The following ALK variants were observed in gnomAD, a reference collection of about 807,000 sequenced individuals.
The protein encoded by ALK is ALK receptor tyrosine kinase.
A neutral mutation model predicts 163.1 loss-of-function variants in ALK; 74 were observed. The ratio of observed to expected loss-of-function variants is 0.45; its 90% CI spans 0.38 to 0.55. The LOEUF is 0.55. ALK is among the 20% of genes least tolerant of loss of function. The pLI, the probability that ALK is intolerant of heterozygous loss-of-function variation, is 0.00. For missense variants in ALK, 2,063 were observed against 2,105.3 expected (o/e 0.98, Z 0.39); for synonymous variants, 960 against 843.2 (o/e 1.14, Z -2.40).
intron 4 of ALK, among the ~76,000 whole-genome samples, chr2:29,413,827 C>T (rs1318916635): frequency 6.6e-6 from 1 of 152,202 alleles, no homozygotes; most frequent in African/African-American, 2.4e-5. Flanking sequence ...GGCACCTCAC[C>T]CAGCCTAATT....
intron 1 of ALK, among the ~76,000 whole-genome samples, chr2:29,905,681 T>C (rs1314260844): frequency 1.3e-5 from 2 of 151,960 alleles, no homozygotes; most frequent in Non-Finnish European, 2.9e-5. Flanking sequence ...TCCCTTTTCC[T>C]ACCTAGCCAG....
At chr2:29,550,037 G>A (rs767299639) in intron 3 of ALK, among the ~76,000 whole-genome samples, 2 of 151,988 alleles carry the variant, frequency 1.3e-5, no homozygotes, top group African/African-American at 4.8e-5. Flanking sequence ...GGCTCTTCCC[G>A]CTAAACTAGG....
chr2:29,209,537 C>A (rs570797931), intron 25 of ALK, among the ~76,000 whole-genome samples: 1 of 129,708 alleles, frequency 7.7e-6, no homozygotes, highest in Non-Finnish European at 1.6e-5. Context: ...AGCGAAACTC[C>A]GTCTCAAAAA....
intron 1 of ALK, among the ~76,000 whole-genome samples, chr2:29,905,612 GAGGA>G (rs962404960): frequency 2.7e-4 from 40 of 150,750 alleles, no homozygotes; most frequent in African/African-American, 8.8e-4. Context: ...AGAAGGAAGG[GAGGA>G]AGGAAGGAAG....
chr2:29,633,153 G>A (rs958236546), intron 3 of ALK, among the ~76,000 whole-genome samples: 5 of 120,116 alleles, frequency 4.2e-5, no homozygotes, highest in African/African-American at 1.4e-4. Flanking sequence ...TGGGCTGGTG[G>A]TGGACTAAGT....
intron 5 of ALK, among the ~76,000 whole-genome samples, chr2:29,381,025 G>C (rs901406292): frequency 6.6e-6 from 1 of 152,326 alleles, no homozygotes; most frequent in South Asian, 2.1e-4. Flanking sequence ...TGATGCTAAG[G>C]TTTTCAGGAA....
At chr2:29,840,263 C>T (rs1665664700) in intron 1 of ALK, among the ~76,000 whole-genome samples, 1 of 152,160 alleles carries the variant, frequency 6.6e-6, no homozygotes, top group South Asian at 2.1e-4. Context: ...TTGCCTCCTG[C>T]ATTTAACGTG....
At chr2:29,205,633 C>T (rs565237750) in intron 26 of ALK, among the ~76,000 whole-genome samples, 47 of 152,232 alleles carry the variant, frequency 3.1e-4, no homozygotes, top group African/African-American at 9.6e-4. Flanking sequence ...GACTTGGGGC[C>T]GCATCTCCAG....
chr2:29,418,980 A>G (rs1236784372), intron 4 of ALK, among the ~76,000 whole-genome samples: 1 of 151,480 alleles, frequency 6.6e-6, no homozygotes, highest in Non-Finnish European at 1.5e-5. Context: ...TAGAAATATA[A>G]AAAATACATA....
At chr2:29,618,222 A>G (rs1208972003) in intron 3 of ALK, among the ~76,000 whole-genome samples, 1 of 152,194 alleles carries the variant, frequency 6.6e-6, no homozygotes. Flanking sequence ...TCAACCTCCA[A>G]ATCCAATCCA....
chr2:29,869,747 G>A lies in ALK; in HGVS notation c.667+50246C>T, dbSNP rs557467262. Among the ~76,000 whole-genome samples the A allele has an allele frequency of 5.9e-5, 9 of 152,214 alleles. No individual in the cohort carries two copies. In the South Asian group the frequency reaches 1.7e-3, roughly 28 times the overall value. On this transcript the variant is annotated intron_variant, in intron 1 of 28. Coordinates refer to ENST00000389048, the MANE Select transcript of ALK (RefSeq NM_004304.5). ...AAGGAAAATATTAATGGATTGAATT[G>A]CATGCCAAAAAATTATATGCAATAT...
intron 1 of ALK, among the ~76,000 whole-genome samples, chr2:29,766,238 T>C (rs1222985139): frequency 6.6e-6 from 1 of 152,208 alleles, no homozygotes; most frequent in Non-Finnish European, 1.5e-5. Flanking sequence ...ATCTGGTTCT[T>C]GCCTCCTTCT....
At chr2:29,577,599 G>T (rs1277268573) in intron 3 of ALK, among the ~76,000 whole-genome samples, 1 of 152,052 alleles carries the variant, frequency 6.6e-6, no homozygotes, top group Non-Finnish European at 1.5e-5. Context: ...CCTGCCCCAG[G>T]GGATGCTACA....
chr2:29,315,437 T>C (rs1030870474), intron 8 of ALK, among the ~76,000 whole-genome samples: 3 of 152,166 alleles, frequency 2.0e-5, no homozygotes, highest in Non-Finnish European at 2.9e-5. Flanking sequence ...TTCTGACTCA[T>C]CTTTCTAAAA....
At chr2:29,280,289 GAA>G (rs913240234) in intron 9 of ALK, among the ~76,000 whole-genome samples, 2 of 152,092 alleles carry the variant, frequency 1.3e-5, no homozygotes, top group African/African-American at 2.4e-5. Context: ...GGGATTGAGT[GAA>G]AGTTTTAGTA....
At chr2:29,658,172 C>T (rs1677243793) in intron 3 of ALK, among the ~76,000 whole-genome samples, 2 of 152,138 alleles carry the variant, frequency 1.3e-5, no homozygotes, top group Admixed American at 6.5e-5. Flanking sequence ...AATGAAAATG[C>T]TTAAAATGAG....
intron 2 of ALK, among the ~76,000 whole-genome samples, chr2:29,705,468 C>G (rs990619319): frequency 6.6e-6 from 1 of 151,432 alleles, no homozygotes; most frequent in Non-Finnish European, 1.5e-5. Flanking sequence ...CCTGACTTGA[C>G]CTTGGAGGAC....
intron 4 of ALK, among the ~76,000 whole-genome samples, chr2:29,409,555 G>A (rs921216551): frequency 6.6e-6 from 1 of 152,132 alleles, no homozygotes; most frequent in Non-Finnish European, 1.5e-5. Flanking sequence ...CCAGAGGGGA[G>A]GACACAATTC....
In ALK at chr2:29,227,038, T is replaced by G. The variant is rs758041539; in HGVS notation, c.2951A>C (p.Tyr984Ser). The G allele has an allele frequency of 2.5e-6, 4 of 1,614,154 alleles. No individual in the cohort carries two copies. In the South Asian group the frequency reaches 4.4e-5, roughly 18 times the overall value. ...TACCTCACAGTGACTGCAGTTTAGA[T>G]AATGCTTAATATTCACTTCCCCGTG... ...EGHGEVNIKH[Y>S]LNCSHCEVDE... Residue 984 changes from tyrosine (Y) to serine (S), a missense_variant, in exon 18 of 29, where the codon TAT (tyrosine) becomes TCT (serine). Around this residue, in one of 5 missense-constraint regions of ALK, gnomAD observed 575 missense variants for 626.6 expected, o/e 0.92. Coordinates refer to ENST00000389048, the MANE Select transcript of ALK (RefSeq NM_004304.5). The surrounding 1 kb of genome is among the most constrained non-coding windows in gnomAD (Gnocchi z 4.4).
Sources: gnomAD v4.1 joint callset for allele counts (sites outside exome capture counted in the v4.1 genomes callset) on GRCh38, gnomAD v4.1.1 for gene constraint, gnomAD v4.1.1 regional missense constraint, Gnocchi (gnomAD v3.1) non-coding constraint, MANE v1.5 for transcripts, NCBI Gene and HGNC (gene_info 2026-07-23, HGNC 2026-07-21) for gene names.